Variants in NYAP2 observed in about 807,000 individuals in gnomAD.
NYAP2 encodes neuronal tyrosine-phosphorylated phosphoinositide-3-kinase adaptor 2.
Under a neutral mutation model 50.4 loss-of-function variants are expected in NYAP2, and 23 were observed. The observed-to-expected ratio is 0.46, with a 90% CI of 0.33 to 0.65. NYAP2 has a LOEUF of 0.65. NYAP2 is among the 30% of genes least tolerant of loss of function. The pLI, the probability that NYAP2 is intolerant of heterozygous loss-of-function variation, is 0.02. For missense variants in NYAP2, 885 were observed against 861.0 expected (o/e 1.03, Z -0.35); for synonymous variants, 394 against 365.2 (o/e 1.08, Z -0.90).
intron 6 of NYAP2, among the ~76,000 whole-genome samples, chr2:225,630,294 G>C (rs1221851367): frequency 6.6e-6 from 1 of 152,178 alleles, no homozygotes; most frequent in Non-Finnish European, 1.5e-5. Flanking sequence ...TGCACCCTTA[G>C]CATCAAGCTC....
At chr2:225,579,664 C>G (rs1692237218) in intron 4 of NYAP2, among the ~76,000 whole-genome samples, 1 of 152,204 alleles carries the variant, frequency 6.6e-6, no homozygotes, top group African/African-American at 2.4e-5. Context: ...TGTTCATCAA[C>G]CGTTGCTTCT....
At chr2:225,674,748 T>G in the NYAP2 span, among the ~76,000 whole-genome samples, 1 of 152,124 alleles carries the variant, frequency 6.6e-6, no homozygotes, top group Non-Finnish European at 1.5e-5. Context: ...ATTTGTAGAT[T>G]CTCCTGGAGG....
At chr2:225,679,582 A>C in the NYAP2 span, among the ~76,000 whole-genome samples, 3 of 144,836 alleles carry the variant, frequency 2.1e-5, no homozygotes, top group Non-Finnish European at 4.5e-5. Context: ...GCAGCCTCCA[A>C]CTCCCTGGTT....
At chr2:225,594,791 A>T (rs1692568980) in intron 5 of NYAP2, among the ~76,000 whole-genome samples, 1 of 152,254 alleles carries the variant, frequency 6.6e-6, no homozygotes, top group Non-Finnish European at 1.5e-5. Flanking sequence ...ATTTCTTGGT[A>T]GAAGCAAACT....
intron 5 of NYAP2, among the ~76,000 whole-genome samples, chr2:225,604,101 A>G (rs965619477): frequency 2.6e-5 from 4 of 152,306 alleles, no homozygotes; most frequent in Non-Finnish European, 4.4e-5. Context: ...TTCCCAAGGT[A>G]TTTTGTGAGT....
At chr2:225,583,943 G>A (rs567893159) in intron 5 of NYAP2, among the ~76,000 whole-genome samples, 2 of 152,306 alleles carry the variant, frequency 1.3e-5, no homozygotes, top group Non-Finnish European at 2.9e-5. Flanking sequence ...GCGGGAGGCT[G>A]AGGCAGGAGA....
At chr2:225,589,261 C>G (rs1266722471) in intron 5 of NYAP2, among the ~76,000 whole-genome samples, 1 of 151,622 alleles carries the variant, frequency 6.6e-6, no homozygotes, top group Admixed American at 6.6e-5. Context: ...GGATTTGTAT[C>G]TGAGAGGTTA....
intron 3 of NYAP2, among the ~76,000 whole-genome samples, chr2:225,478,731 C>T (rs1217683107): frequency 6.6e-6 from 1 of 152,130 alleles, no homozygotes; most frequent in African/African-American, 2.4e-5. Context: ...AAGCTAGGTT[C>T]AGGAACATGA....
chr2:225,474,665 C>A (rs868678189), intron 3 of NYAP2, among the ~76,000 whole-genome samples: 2 of 152,194 alleles, frequency 1.3e-5, no homozygotes, highest in African/African-American at 4.8e-5. Flanking sequence ...GATTTTGTAT[C>A]CTGAGACTTT....
At chr2:225,492,289 C>T (rs1397701645) in intron 3 of NYAP2, among the ~76,000 whole-genome samples, 2 of 152,202 alleles carry the variant, frequency 1.3e-5, no homozygotes, top group Non-Finnish European at 2.9e-5. Context: ...AGACTCTACA[C>T]TTGGAATATA....
At chr2:225,670,836 A>G in the NYAP2 span, among the ~76,000 whole-genome samples, 2 of 152,136 alleles carry the variant, frequency 1.3e-5, no homozygotes, top group Admixed American at 6.6e-5. Context: ...GCAAGTCTCA[A>G]TAATTTTTTG....
At chr2:225,579,867 A>C (rs539958780) in intron 4 of NYAP2, among the ~76,000 whole-genome samples, 1 of 152,366 alleles carries the variant, frequency 6.6e-6, no homozygotes, top group South Asian at 2.1e-4. Context: ...AGATAATGAA[A>C]GCAAATTATA....
intron 5 of NYAP2, among the ~76,000 whole-genome samples, chr2:225,615,363 A>G (rs1356742094): frequency 6.6e-6 from 1 of 152,200 alleles, no homozygotes; most frequent in African/African-American, 2.4e-5. Context: ...CCTGAGATCT[A>G]CTATTAATGA....
chr2:225,417,276 T>G (rs1517480), intron 3 of NYAP2, among the ~76,000 whole-genome samples: 116,444 of 151,972 alleles, frequency 0.77, 44,980 homozygotes, highest in Non-Finnish European at 0.8. Context: ...TTGCTCCAAG[T>G]CTTCTAACTT....
chr2:225,416,085 A>T (rs190482241), intron 3 of NYAP2, among the ~76,000 whole-genome samples: 95 of 152,302 alleles, frequency 6.2e-4, no homozygotes, highest in Middle Eastern at 3.4e-3. Context: ...GTATCTTAAT[A>T]ACCCTCTCTA....
chr2:225,634,397 T>C (rs1164661604), intron 6 of NYAP2, among the ~76,000 whole-genome samples: 2 of 152,164 alleles, frequency 1.3e-5, no homozygotes, highest in Non-Finnish European at 2.9e-5. Flanking sequence ...GACCATATTA[T>C]ATATTCTGCT....
chr2:225,453,657 GTTTGTT>G (rs1689688220), intron 3 of NYAP2, among the ~76,000 whole-genome samples: 1 of 151,754 alleles, frequency 6.6e-6, no homozygotes, highest in Non-Finnish European at 1.5e-5. Context: ...TTGTTTGTTT[GTTTGTT>G]TTTGTTTTTC....
chr2:225,595,239 G>A (rs1692576351), intron 5 of NYAP2, among the ~76,000 whole-genome samples: 1 of 152,168 alleles, frequency 6.6e-6, no homozygotes, highest in Non-Finnish European at 1.5e-5. Context: ...TCATAAAATA[G>A]AGATTGGGGT....
At chr2:225,679,733 T>C in the NYAP2 span, among the ~76,000 whole-genome samples, 1 of 152,104 alleles carries the variant, frequency 6.6e-6, no homozygotes, top group Non-Finnish European at 1.5e-5. Flanking sequence ...GACCTTGTGA[T>C]CTGCCTGCCT....
Sources: allele counts gnomAD v4.1 joint callset (sites outside exome capture counted in the v4.1 genomes callset), GRCh38; gene constraint gnomAD v4.1.1; transcripts MANE v1.5; gene names NCBI Gene and HGNC (gene_info 2026-07-23, HGNC 2026-07-21).